The following SEMA6D variants were observed in gnomAD, a reference collection of about 807,000 sequenced individuals.
SEMA6D encodes semaphorin 6D, also known as semaphorin-6D.
In SEMA6D, 35 loss-of-function variants were observed where a neutral mutation model predicts 106.6. The observed-to-expected ratio is 0.33, with a 90% confidence interval of 0.25 to 0.44. The LOEUF is 0.44. Ranked by LOEUF, SEMA6D falls within the 20% of genes least tolerant of loss-of-function variation. The probability of loss-of-function intolerance (pLI) is 1.00; values close to 1 mark genes in which losing one functional copy is unlikely to be tolerated. For synonymous variants in SEMA6D, 499 were observed against 487.7 expected (o/e 1.02, Z -0.31); for missense variants, 1,185 against 1,345.9 (o/e 0.88, Z 1.87).
intron 1 of SEMA6D, among the ~76,000 whole-genome samples, chr15:47,190,069 T>C (rs985048723): frequency 6.6e-6 from 1 of 152,224 alleles, no homozygotes; most frequent in African/African-American, 2.4e-5. Flanking sequence ...GTGTTTGAGC[T>C]TTGATTCTCT....
chr15:47,737,877 G>A (rs2080540493), intron 1 of SEMA6D, among the ~76,000 whole-genome samples: 1 of 152,000 alleles, frequency 6.6e-6, no homozygotes. Context: ...TTCTAAAATG[G>A]TTGTACTAAT....
intron 2 of SEMA6D, among the ~76,000 whole-genome samples, chr15:47,469,026 T>A (rs1474766307): frequency 6.6e-6 from 1 of 152,158 alleles, no homozygotes; most frequent in Non-Finnish European, 1.5e-5. Context: ...CCAAATTTCC[T>A]GTCAGCATAA....
Position 47,663,085 on chromosome 15 carries a change from C to T in SEMA6D, c.-55+62189C>T, listed in dbSNP as rs185230738. On this transcript the variant is annotated intron_variant, in intron 4 of 19. Coordinates refer to the SEMA6D transcript ENST00000558014. The stretch of plus-strand genomic sequence containing the variant: ...AAGTACTCGTAATTAAATTTCAAAG[C>T]AATTTTAATGATCAACGTGAGATAA... Among the ~76,000 whole-genome samples the T allele has an allele frequency of 1.7e-3, 256 of 152,194 alleles. 1 individual carries two copies. Among genetic ancestry groups the T allele is most frequent in the Non-Finnish European group, 2.9e-3 (194 of 68,006 alleles).
intron 1 of SEMA6D, among the ~76,000 whole-genome samples, chr15:47,358,645 C>T (rs1193277416): frequency 6.6e-6 from 1 of 152,122 alleles, no homozygotes; most frequent in East Asian, 1.9e-4. Flanking sequence ...AGGCGACCAC[C>T]TTGCTGTGAT....
chr15:47,407,513 G>A (rs1227442299), intron 1 of SEMA6D, among the ~76,000 whole-genome samples: 6 of 151,932 alleles, frequency 3.9e-5, no homozygotes, highest in Middle Eastern at 3.4e-3. Flanking sequence ...TTAGGCTGTC[G>A]TTGTTACAAA....
At chr15:47,586,495 C>T (rs2076342360) in intron 3 of SEMA6D, among the ~76,000 whole-genome samples, 1 of 152,212 alleles carries the variant, frequency 6.6e-6, no homozygotes, top group South Asian at 2.1e-4. Flanking sequence ...TTTTTATCTA[C>T]TTCTCAGATT....
intron 1 of SEMA6D, among the ~76,000 whole-genome samples, chr15:47,373,069 C>T (rs1318903280): frequency 6.6e-6 from 1 of 152,228 alleles, no homozygotes; most frequent in Non-Finnish European, 1.5e-5. Context: ...CAGAGAGCTT[C>T]ATTGCCACCT....
At chr15:47,457,871 T>A (rs2042391058) in intron 2 of SEMA6D, among the ~76,000 whole-genome samples, 1 of 151,034 alleles carries the variant, frequency 6.6e-6, no homozygotes. Flanking sequence ...TGAAAACCAG[T>A]GATAAACAGA....
intron 1 of SEMA6D, among the ~76,000 whole-genome samples, chr15:47,338,455 A>G (rs546818276): frequency 2.0e-5 from 3 of 152,178 alleles, no homozygotes; most frequent in African/African-American, 2.4e-5. Flanking sequence ...TTCACATTAC[A>G]TGCCTGTATC....
At chr15:47,762,149 C>T in intron 7 of SEMA6D, 51 bp from the exon 8 acceptor site, 1 of 1,609,764 alleles carries the variant, frequency 6.2e-7, no homozygotes, top group East Asian at 2.2e-5. Context: ...AAAGCTAACA[C>T]ACTGCAGGAT....
At chr15:47,349,293 A>G (rs1291061038) in intron 1 of SEMA6D, among the ~76,000 whole-genome samples, 2 of 152,170 alleles carry the variant, frequency 1.3e-5, no homozygotes, top group Admixed American at 6.5e-5. Flanking sequence ...TTATTTCATC[A>G]TCAGAGAATG....
chr15:47,493,108 C>A (rs2043524696), intron 3 of SEMA6D, among the ~76,000 whole-genome samples: 1 of 152,126 alleles, frequency 6.6e-6, no homozygotes, highest in Non-Finnish European at 1.5e-5. Flanking sequence ...TAAGAATTGA[C>A]CACAACAATT....
At chr15:47,342,187 C>T (rs1314809059) in intron 1 of SEMA6D, among the ~76,000 whole-genome samples, 1 of 152,162 alleles carries the variant, frequency 6.6e-6, no homozygotes, top group Non-Finnish European at 1.5e-5. Context: ...AACAACTAAT[C>T]TCTAACTAGT....
At chr15:47,260,248 G>C (rs192086442) in intron 1 of SEMA6D, among the ~76,000 whole-genome samples, 39 of 152,040 alleles carry the variant, frequency 2.6e-4, no homozygotes, top group Admixed American at 8.5e-4. Flanking sequence ...CTGATTCTTG[G>C]TATGGGGTAA....
At chr15:47,616,896 G>T (rs1162201746) in intron 4 of SEMA6D, among the ~76,000 whole-genome samples, 1 of 152,150 alleles carries the variant, frequency 6.6e-6, no homozygotes, top group Non-Finnish European at 1.5e-5. Flanking sequence ...CATATGTTGA[G>T]AAGTATTTTC....
intron 4 of SEMA6D, among the ~76,000 whole-genome samples, chr15:47,620,167 A>G (rs569719498): frequency 3.9e-5 from 6 of 152,296 alleles, no homozygotes; most frequent in African/African-American, 1.4e-4. Flanking sequence ...GTCATCTAAG[A>G]CTGCACTCCC....
chr15:47,261,835 G>A (rs1247770523), intron 1 of SEMA6D, among the ~76,000 whole-genome samples: 1 of 152,020 alleles, frequency 6.6e-6, no homozygotes, highest in African/African-American at 2.4e-5. Context: ...TCATGTTGTT[G>A]TATGCATCAG....
chr15:47,414,307 T>C (rs1435354799), intron 2 of SEMA6D, among the ~76,000 whole-genome samples: 1 of 152,218 alleles, frequency 6.6e-6, no homozygotes, highest in Non-Finnish European at 1.5e-5. Flanking sequence ...GCCTAACTTC[T>C]ATACATAAGT....
chr15:47,525,994 G>C (rs2044743934), intron 3 of SEMA6D, among the ~76,000 whole-genome samples: 2 of 152,208 alleles, frequency 1.3e-5, no homozygotes, highest in Admixed American at 1.3e-4. Flanking sequence ...TTGGAGAACA[G>C]GGGGAGCCTC....
Sources: allele counts gnomAD v4.1 joint callset (sites outside exome capture counted in the v4.1 genomes callset), GRCh38; gene constraint gnomAD v4.1.1; transcripts MANE v1.5; gene names NCBI Gene and HGNC (gene_info 2026-07-23, HGNC 2026-07-21).